Variants in DLG2 observed in about 807,000 individuals in gnomAD.
DLG2 encodes discs large MAGUK scaffold protein 2, also known as disks large homolog 2.
In DLG2, 45 loss-of-function variants were observed where a neutral mutation model predicts 132.5. That is an observed-to-expected ratio of 0.34 (90% CI 0.27 to 0.44). The LOEUF (loss-of-function observed/expected upper bound fraction) is 0.44. DLG2 is among the 20% of genes least tolerant of loss of function. The probability of loss-of-function intolerance (pLI) is 1.00; values close to 1 mark genes in which losing one functional copy is unlikely to be tolerated. For missense variants in DLG2, 1,045 were observed against 1,196.9 expected (o/e 0.87, Z 1.87); for synonymous variants, 424 against 419.6 (o/e 1.01, Z -0.13).
intron 6 of DLG2, among the ~76,000 whole-genome samples, chr11:85,059,980 A>C (rs1352573158): frequency 6.6e-6 from 1 of 151,452 alleles, no homozygotes; most frequent in Non-Finnish European, 1.5e-5. Flanking sequence ...TACCCTCTTA[A>C]ATTTTTAAGT....
intron 22 of DLG2, among the ~76,000 whole-genome samples, chr11:83,481,318 T>TGTTAA (rs1186437868): frequency 7.2e-5 from 11 of 152,118 alleles, no homozygotes; most frequent in Non-Finnish European, 1.0e-4. Flanking sequence ...CCATACTGCT[T>TGTTAA]GTTAAGTTAT....
intron 3 of DLG2, among the ~76,000 whole-genome samples, chr11:85,377,784 CATAT>C (rs35941912): frequency 3.8e-5 from 5 of 130,278 alleles, no homozygotes; most frequent in African/African-American, 5.7e-5. Flanking sequence ...TGTGTGTATA[CATAT>C]ATATATATAT....
At chr11:85,379,356 G>A (rs1379003305) in intron 3 of DLG2, among the ~76,000 whole-genome samples, 2 of 152,082 alleles carry the variant, frequency 1.3e-5, no homozygotes, top group African/African-American at 2.4e-5. Flanking sequence ...AAGATATGTA[G>A]CATGTGATAT....
chr11:84,174,981 C>A (rs576053080), intron 8 of DLG2, among the ~76,000 whole-genome samples: 1 of 152,216 alleles, frequency 6.6e-6, no homozygotes, highest in South Asian at 2.1e-4. Context: ...CTAAGTTAAA[C>A]AATTTTTTCA....
chr11:83,773,968 T>C lies in DLG2; in HGVS notation c.1825+12722A>G, dbSNP rs560013353. Among the ~76,000 whole-genome samples, 100 of 152,328 alleles carry C rather than the reference T, an allele frequency of 6.6e-4. 1 individual carries two copies. The highest frequency in any genetic ancestry group is 2.3e-3 in the African/African-American group (96 of 41,584). Reference sequence around the variant, plus strand: ...GCCTTCTGATAAACAGCTTTAAAACTGTTTTTTGGTGGTAAGATCCTTGCT... The same window carrying C: ...GCCTTCTGATAAACAGCTTTAAAACCGTTTTTTGGTGGTAAGATCCTTGCT... On this transcript the variant is annotated intron_variant, in intron 18 of 27. Coordinates refer to ENST00000376104, the MANE Select transcript of DLG2 (RefSeq NM_001142699.3).
chr11:84,185,237 T>G (rs2096250765), intron 8 of DLG2, among the ~76,000 whole-genome samples: 1 of 152,174 alleles, frequency 6.6e-6, no homozygotes, highest in Non-Finnish European at 1.5e-5. Flanking sequence ...TGTATCCTCT[T>G]TTATTTCATT....
At chr11:85,375,329 A>G (rs934763572) in intron 3 of DLG2, among the ~76,000 whole-genome samples, 7 of 152,222 alleles carry the variant, frequency 4.6e-5, no homozygotes, top group Non-Finnish European at 1.0e-4. Flanking sequence ...TTCACAGTTA[A>G]GAAGTGATGT....
chr11:83,821,353 CAG>C (rs1261670746), intron 17 of DLG2, among the ~76,000 whole-genome samples: 3 of 152,088 alleles, frequency 2.0e-5, no homozygotes, highest in African/African-American at 7.2e-5. Context: ...TGAATGGTGT[CAG>C]AAGTGGTGAT....
chr11:84,794,832 G>A (rs1030834103), intron 6 of DLG2, among the ~76,000 whole-genome samples: 1 of 152,220 alleles, frequency 6.6e-6, no homozygotes, highest in African/African-American at 2.4e-5. Context: ...TTTGGCTGCT[G>A]ACCAGCACAG....
chr11:85,074,420 T>C (rs1189572337), intron 6 of DLG2, among the ~76,000 whole-genome samples: 2 of 151,796 alleles, frequency 1.3e-5, no homozygotes, highest in Admixed American at 6.6e-5. Flanking sequence ...TTATATATAA[T>C]GAGCAGGGAG....
chr11:84,828,138 G>A (rs2153990001), intron 6 of DLG2, among the ~76,000 whole-genome samples: 1 of 151,802 alleles, frequency 6.6e-6, no homozygotes, highest in East Asian at 2.0e-4. Context: ...GAATAATGGT[G>A]GGCTCCAAAA....
rs1347543822 is a variant in DLG2 at position 85,143,253 on chromosome 11, A to AT, written c.282+11302dup. 8.6e-5 allele frequency among the ~76,000 whole-genome samples: 13 copies of AT among 151,554 alleles called. No individual in the cohort carries two copies. In the South Asian group the frequency reaches 1.5e-3, roughly 17 times the overall value. On this transcript the variant is annotated intron_variant, in intron 5 of 27. Coordinates refer to ENST00000376104, the MANE Select transcript of DLG2 (RefSeq NM_001142699.3). ...TGTTATTGGTCTATTTTGGTTTCAGATTTTTTTCATGGTTGAATCTTGGTA... is the reference window on the plus strand; with the variant it reads ...TGTTATTGGTCTATTTTGGTTTCAGATTTTTTTTCATGGTTGAATCTTGGTA...
chr11:84,128,014 A>C (rs1714645841), intron 9 of DLG2, among the ~76,000 whole-genome samples: 1 of 152,204 alleles, frequency 6.6e-6, no homozygotes, highest in African/African-American at 2.4e-5. Context: ...TATTTATATT[A>C]TAGATGTTCC....
intron 6 of DLG2, among the ~76,000 whole-genome samples, chr11:84,707,828 A>G (rs1282500500): frequency 6.6e-6 from 1 of 151,798 alleles, no homozygotes; most frequent in African/African-American, 2.4e-5. Context: ...TATAAATAAA[A>G]ACTGTGGGGC....
At chr11:84,043,045 T>C (rs1012999546) in intron 11 of DLG2, among the ~76,000 whole-genome samples, 3 of 151,824 alleles carry the variant, frequency 2.0e-5, no homozygotes, top group African/African-American at 7.2e-5. Flanking sequence ...ATGTATATGC[T>C]ATTGATTTCT....
chr11:84,556,015 G>C (rs962485778), intron 6 of DLG2, among the ~76,000 whole-genome samples: 1 of 152,056 alleles, frequency 6.6e-6, no homozygotes, highest in African/African-American at 2.4e-5. Context: ...AAGCATCTAG[G>C]GGCCACAAAC....
At chr11:84,914,645 G>A (rs897358861) in intron 6 of DLG2, among the ~76,000 whole-genome samples, 1 of 152,168 alleles carries the variant, frequency 6.6e-6, no homozygotes, top group African/African-American at 2.4e-5. Flanking sequence ...GGTGAGGAAT[G>A]CCCAATGAAG....
At position 84,578,707 on chromosome 11, in the gene DLG2, G is replaced by A. The variant is rs111269026; in HGVS notation, c.358-43976C>T. ...CTTGTCTCAGATGAGACTTTGGACCGTGGACTTTTGGGTTAACACTGAAAT... is the reference window on the plus strand; with the variant it reads ...CTTGTCTCAGATGAGACTTTGGACCATGGACTTTTGGGTTAACACTGAAAT... On this transcript the variant is annotated intron_variant, in intron 6 of 27. Coordinates refer to ENST00000376104, the MANE Select transcript of DLG2 (RefSeq NM_001142699.3). Among the ~76,000 whole-genome samples the A allele has an allele frequency of 1.5e-3, 228 of 152,256 alleles. 1 individual carries two copies. Among genetic ancestry groups the A allele is most frequent in the African/African-American group, 5.2e-3 (214 of 41,550 alleles).
intron 3 of DLG2, among the ~76,000 whole-genome samples, chr11:85,484,120 G>A (rs547252629): frequency 3.4e-4 from 51 of 152,000 alleles, no homozygotes; most frequent in South Asian, 1.7e-3. Context: ...ACAAGAGGGC[G>A]TGAAACCGTT....
Sources: allele counts gnomAD v4.1 joint callset (sites outside exome capture counted in the v4.1 genomes callset), GRCh38; gene constraint gnomAD v4.1.1; transcripts MANE v1.5; gene names NCBI Gene and HGNC (gene_info 2026-07-23, HGNC 2026-07-21).